PSIP1: variants seen among roughly 807,000 people sequenced by gnomAD.
PSIP1 encodes the protein PC4 and SFRS1-interacting protein.
Under a neutral mutation model 74.7 loss-of-function variants are expected in PSIP1, and 19 were observed. That is an observed-to-expected ratio of 0.25 (90% CI 0.18 to 0.37). PSIP1 has a LOEUF of 0.37. PSIP1 is among the 10% of genes least tolerant of loss of function. PSIP1 has a pLI of 1.00. For missense variants in PSIP1, 601 were observed against 614.3 expected (o/e 0.98, Z 0.23); for synonymous variants, 222 against 195.3 (o/e 1.14, Z -1.14).
At chr9:15,470,373 AAGC>A (rs1223060796) in intron 10 of PSIP1, among the ~76,000 whole-genome samples, 1 of 152,136 alleles carries the variant, frequency 6.6e-6, no homozygotes, top group African/African-American at 2.4e-5. Flanking sequence ...TGCATGTAAC[AAGC>A]AGATTAATGA....
chr9:15,481,119 G>C (rs2036317011), intron 6 of PSIP1, among the ~76,000 whole-genome samples: 1 of 152,104 alleles, frequency 6.6e-6, no homozygotes. Flanking sequence ...AACATTATTA[G>C]CTCAGGTTTT....
intron 3 of PSIP1, among the ~76,000 whole-genome samples, chr9:15,495,304 A>AGAGTT (rs2037023640): frequency 6.6e-6 from 1 of 152,150 alleles, no homozygotes; most frequent in African/African-American, 2.4e-5. Flanking sequence ...TATAAAAGAT[A>AGAGTT]AATTTTTTTA....
intron 6 of PSIP1, among the ~76,000 whole-genome samples, chr9:15,485,538 TATTA>T (rs1158298940): frequency 6.6e-6 from 1 of 152,228 alleles, no homozygotes; most frequent in African/African-American, 2.4e-5. Flanking sequence ...GAAAATTTCA[TATTA>T]ATTAAAAGCC....
intron 6 of PSIP1, 154 bp downstream of exon 6, chr9:15,485,852 A>G: frequency 1.7e-6 from 1 of 602,040 alleles, no homozygotes; most frequent in South Asian, 2.6e-5. Context: ...AAAGAAACAC[A>G]GATAGTTTTG....
chr9:15,480,561 A>G (rs891227420), intron 6 of PSIP1, among the ~76,000 whole-genome samples: 1 of 152,262 alleles, frequency 6.6e-6, no homozygotes, highest in African/African-American at 2.4e-5. Flanking sequence ...ATAAGCTGGT[A>G]TCAATAAACT....
At chr9:15,470,683 ATTCT>A (rs1369646919) in intron 10 of PSIP1, 2 of 935,710 alleles carry the variant, frequency 2.1e-6, no homozygotes, top group Non-Finnish European at 2.6e-6. Flanking sequence ...TTACAGTTTC[ATTCT>A]TAACAAGTCT....
rs1287451897 is a variant in PSIP1 at position 15,464,454 on chromosome 9, T to C, written c.*1066A>G. On this transcript the variant is annotated 3_prime_UTR_variant, in exon 16 of 16. Transcript: ENST00000380733. ...TAACATACCCTTAAATTTTGTAACA[T>C]TGATTTTACCCTGGATTTAGTCCAT... 1.0e-5 allele frequency: 2 copies of C among 200,428 alleles called. No homozygotes were observed. The highest frequency in any genetic ancestry group is 6.0e-5 in the Admixed American group (1 of 16,592). 12.4% of individuals were successfully genotyped at this position (200,428 alleles called of 1,614,324 possible).
Position 15,489,979 on chromosome 9 carries a change from G to A in PSIP1, c.288+7C>T, listed in dbSNP as rs770240037. 23 of 1,554,934 alleles carry A rather than the reference G, an allele frequency of 1.5e-5. No homozygotes were observed. The highest frequency in any genetic ancestry group is 2.0e-5 in the Non-Finnish European group (23 of 1,148,720). On this transcript the variant is annotated splice_region_variant and intron_variant, in intron 4 of 15. Transcript: ENST00000380733. ...AGTAATATCAAATTTTATGTAATAT[G>A]ACTTACCTGTTGACTTGAAAATTTC...
chr9:15,472,155 C>T, intron 10 of PSIP1: 1 of 984,964 alleles, frequency 1.0e-6, no homozygotes, highest in Non-Finnish European at 1.2e-6. Flanking sequence ...ATAATGTACA[C>T]CCTGTCAGCC....
chr9:15,479,424 T>A (rs760822799), intron 7 of PSIP1, among the ~76,000 whole-genome samples, 167 bp downstream of exon 7: 45 of 152,322 alleles, frequency 3.0e-4, no homozygotes, highest in Admixed American at 6.5e-4. Context: ...CAAATTTAAA[T>A]ACTTTGAAAC....
chr9:15,504,712 G>A (rs1266851018), intron 3 of PSIP1, among the ~76,000 whole-genome samples: 1 of 151,400 alleles, frequency 6.6e-6, no homozygotes, highest in East Asian at 1.9e-4. Context: ...ACTCCAGCCT[G>A]GGCAACAGAG....
intron 3 of PSIP1, among the ~76,000 whole-genome samples, chr9:15,504,443 G>C (rs561483262): frequency 1.3e-5 from 2 of 152,262 alleles, no homozygotes; most frequent in East Asian, 3.9e-4. Context: ...TGTGTATTCT[G>C]TAAGACTATC....
rs146899041 is a variant in PSIP1, at chr9:15,481,031, G to A, written c.457-1344C>T. Among the ~76,000 whole-genome samples, 19 of 152,260 alleles carry A rather than the reference G, an allele frequency of 1.2e-4. No homozygotes were observed. In the East Asian group the frequency reaches 3.7e-3, roughly 29 times the overall value. ...CTTTAAATAACTGAAACATAATGAAGCATATTAAAAGTATTATTAAAACTC... is the reference window on the plus strand; with the variant it reads ...CTTTAAATAACTGAAACATAATGAAACATATTAAAAGTATTATTAAAACTC... On this transcript the variant is annotated intron_variant, in intron 6 of 15. Transcript: ENST00000380733.
At chr9:15,497,189 A>C (rs1348131566) in intron 3 of PSIP1, among the ~76,000 whole-genome samples, 1 of 147,268 alleles carries the variant, frequency 6.8e-6, no homozygotes, top group Admixed American at 6.6e-5. Context: ...TGGTAAATCA[A>C]TATAATGGAA....
intron 2 of PSIP1, among the ~76,000 whole-genome samples, chr9:15,507,815 T>A (rs1358660978): frequency 6.6e-6 from 1 of 152,218 alleles, no homozygotes. Context: ...ACCATCAGGA[T>A]GACTGAACTG....
chr9:15,481,188 C>G (rs1362200130), intron 6 of PSIP1, among the ~76,000 whole-genome samples: 1 of 152,138 alleles, frequency 6.6e-6, no homozygotes, highest in Admixed American at 6.6e-5. Flanking sequence ...TTCAATAGCT[C>G]TGAGTCAGGG....
chr9:15,473,887 C>T (rs2777951), intron 9 of PSIP1, 122 bp downstream of exon 9: 33,179 of 705,508 alleles, frequency 0.047, 1,124 homozygotes, highest in African/African-American at 0.14. Context: ...AGCAACACAG[C>T]GAGACTCCAT....
chr9:15,509,424 T>C (rs2037748643), intron 2 of PSIP1, among the ~76,000 whole-genome samples: 1 of 152,228 alleles, frequency 6.6e-6, no homozygotes. Flanking sequence ...TCCTTAATCA[T>C]TTCTCTGTAC....
At chr9:15,499,618 A>G (rs2037237945) in intron 3 of PSIP1, among the ~76,000 whole-genome samples, 1 of 152,186 alleles carries the variant, frequency 6.6e-6, no homozygotes, top group Non-Finnish European at 1.5e-5. Flanking sequence ...TCATGTCTGT[A>G]ATCCCAACAC....
Sources: gnomAD v4.1 joint callset for allele counts (sites outside exome capture counted in the v4.1 genomes callset) on GRCh38, gnomAD v4.1.1 for gene constraint, MANE v1.5 for transcripts, NCBI Gene and HGNC (gene_info 2026-07-23, HGNC 2026-07-21) for gene names.